CAMK2B: variants seen among roughly 807,000 people sequenced by gnomAD.
CAMK2B encodes calcium/calmodulin dependent protein kinase II beta.
In CAMK2B, 27 loss-of-function variants were observed where a neutral mutation model predicts 93.7. The observed-to-expected ratio is 0.29, with a 90% CI of 0.21 to 0.40. The LOEUF is 0.40. CAMK2B is among the 10% of genes least tolerant of loss of function. CAMK2B has a pLI of 1.00. For missense variants in CAMK2B, 568 were observed against 895.8 expected, an observed-to-expected ratio of 0.63 and a Z score of 4.67; for synonymous variants, 374 against 358.8, an observed-to-expected ratio of 1.04 and a Z score of -0.48.
Position 44,236,941 on chromosome 7 carries a change from C to G in CAMK2B, c.1022-2265G>C, listed in dbSNP as rs2096631562. 2.0e-5 allele frequency among the ~76,000 whole-genome samples: 3 copies of G among 152,354 alleles called. No homozygotes were observed. In the South Asian group the frequency reaches 6.2e-4, roughly 32 times the overall value. Reference sequence around the variant, plus strand: ...AGGACATTTGTCGTGGGGAGCTGAACAGGCAAGGAAGGGACCCAGTCCCTT... The same window carrying G: ...AGGACATTTGTCGTGGGGAGCTGAAGAGGCAAGGAAGGGACCCAGTCCCTT... On this transcript the variant is annotated intron_variant, in intron 13 of 23. Transcript: ENST00000395749.
intron 2 of CAMK2B, among the ~76,000 whole-genome samples, chr7:44,270,129 C>G (rs2096960733): frequency 6.6e-6 from 1 of 152,004 alleles, no homozygotes; most frequent in Admixed American, 6.5e-5. Context: ...TGCCAGACCC[C>G]CCATGGGCCC....
At chr7:44,287,456 T>C (rs10231886) in intron 1 of CAMK2B, among the ~76,000 whole-genome samples, 47,649 of 151,970 alleles carry the variant, frequency 0.31, 8,196 homozygotes, top group Non-Finnish European at 0.39. Context: ...TCCACCTCTG[T>C]CTCCTCCCCT....
intron 13 of CAMK2B, among the ~76,000 whole-genome samples, chr7:44,236,106 C>G (rs945836406): frequency 6.6e-6 from 1 of 152,238 alleles, no homozygotes. Context: ...TAAGCCCTCC[C>G]GGTGGTTCTG....
At chr7:44,284,058 T>C (rs1584584034) in intron 2 of CAMK2B, 73 bp downstream of exon 2, 2 of 1,150,172 alleles carry the variant, frequency 1.7e-6, no homozygotes, top group Non-Finnish European at 1.3e-6. Context: ...TGCTGCCCAG[T>C]CCACAGGGCA....
chr7:44,237,896 A>T (rs2096641051), intron 13 of CAMK2B, among the ~76,000 whole-genome samples: 1 of 152,030 alleles, frequency 6.6e-6, no homozygotes, highest in Admixed American at 6.5e-5. Flanking sequence ...AACTGCTGCC[A>T]CCCTGCAGCT....
intron 23 of CAMK2B, 199 bp from the exon 24 acceptor site, chr7:44,219,721 G>T: frequency 2.7e-6 from 1 of 373,362 alleles, no homozygotes; most frequent in East Asian, 4.9e-5. Context: ...CCACCACCTG[G>T]GGAACGCCCA....
In CAMK2B at chr7:44,324,143, C is replaced by T. The variant is rs113813927; in HGVS notation, c.65+1214G>A. ...AACACACCCCCACACTCCTCCAGCT[C>T]CGCACTCCACAATTATCAATGATCA... On this transcript the variant is annotated intron_variant, in intron 1 of 23. Transcript: ENST00000395749. Among the ~76,000 whole-genome samples the T allele has an allele frequency of 4.1e-3, 632 of 152,356 alleles. 5 individuals carry two copies. The highest frequency in any genetic ancestry group is 0.014 in the African/African-American group (599 of 41,584).
chr7:44,246,518 C>T (rs2096731898), intron 6 of CAMK2B, among the ~76,000 whole-genome samples: 1 of 152,086 alleles, frequency 6.6e-6, no homozygotes, highest in Non-Finnish European at 1.5e-5. Flanking sequence ...TGAACATGCC[C>T]ACACATGTAC....
chr7:44,298,875 G>GA (rs1372183674), intron 1 of CAMK2B, among the ~76,000 whole-genome samples: 1 of 152,004 alleles, frequency 6.6e-6, no homozygotes, highest in Non-Finnish European at 1.5e-5. Flanking sequence ...TTTTTTAATT[G>GA]AAAAAAGCCT....
At chr7:44,316,295 T>G (rs1210707544) in intron 1 of CAMK2B, among the ~76,000 whole-genome samples, 1 of 152,184 alleles carries the variant, frequency 6.6e-6, no homozygotes, top group Admixed American at 6.5e-5. Context: ...ATAGTTTCAA[T>G]GTTTGTTCTA....
At chr7:44,261,250 G>T (rs373952478) in intron 3 of CAMK2B, among the ~76,000 whole-genome samples, 58 of 152,364 alleles carry the variant, frequency 3.8e-4, no homozygotes, top group African/African-American at 1.3e-3. Context: ...AATAAGCCCA[G>T]TTGGGGGCCC....
chr7:44,248,877 C>A lies in CAMK2B; in HGVS notation c.342-1685G>T, dbSNP rs1006754427. ...CCAGGCCCAAACTCATGGGAGACAG[C>A]CCCTTGGTGGTGTCACTTCAATGTC... On this transcript the variant is annotated intron_variant, in intron 5 of 23. Coordinates refer to ENST00000395749, the MANE Select transcript of CAMK2B (RefSeq NM_001220.5). The surrounding 1 kb of genome is among the most constrained non-coding windows in gnomAD (Gnocchi z 4.1). Among the ~76,000 whole-genome samples, 6 of 152,152 alleles carry A rather than the reference C, an allele frequency of 3.9e-5. No homozygotes were observed. The highest frequency in any genetic ancestry group is 1.2e-4 in the African/African-American group (5 of 41,424).
chr7:44,223,453 C>T (rs2096436638), intron 20 of CAMK2B, among the ~76,000 whole-genome samples: 1 of 152,206 alleles, frequency 6.6e-6, no homozygotes, highest in Non-Finnish European at 1.5e-5. Flanking sequence ...GTTCCTGCTG[C>T]AGCCACCACG....
At chr7:44,285,380 C>T (rs943161992) in intron 1 of CAMK2B, among the ~76,000 whole-genome samples, 2 of 152,162 alleles carry the variant, frequency 1.3e-5, no homozygotes, top group African/African-American at 4.8e-5. Context: ...CAGGTGGGCA[C>T]CCACCCGTGC....
chr7:44,284,162 C>T lies in CAMK2B; in HGVS notation c.129G>A (p.Lys43=), dbSNP rs974594945. ...KLCTGHEYAA[K]IINTKKLSAR... Reference sequence around the variant, plus strand: ...CTGACAGCTTCTTGGTGTTGATGATCTTGGCTGCATACTCATGGCCGGTGC... The same window carrying T: ...CTGACAGCTTCTTGGTGTTGATGATTTTGGCTGCATACTCATGGCCGGTGC... The change falls in exon 2 of 24, where the codon AAG becomes AAA. Residue 43 remains lysine (K), a synonymous_variant. Transcript: ENST00000395749. The T allele has an allele frequency of 6.2e-7, 1 of 1,613,792 alleles. No homozygotes were observed. Among genetic ancestry groups the T allele is most frequent in the African/African-American group, 1.3e-5 (1 of 74,936 alleles).
In CAMK2B at chr7:44,220,649, C is replaced by T. The variant is rs762167090; in HGVS notation, c.1735G>A (p.Gly579Arg). 3.7e-6 allele frequency: 6 copies of T among 1,613,814 alleles called. 1 individual carries two copies. Among genetic ancestry groups the T allele is most frequent in the Non-Finnish European group, 5.1e-6 (6 of 1,179,964 alleles). Reference protein sequence around the residue: ...EPEALGNLVEGMDFHRFYFEN... With the variant: ...EPEALGNLVERMDFHRFYFEN... ...AAGTAGAATCTGTGGAAGTCCATCC[C>T]TTCAACCAGGTTGCCCAGTGCTTCA... The change falls in exon 22 of 24, where the codon GGG becomes AGG. Residue 579 changes from glycine to arginine, a missense_variant. Transcript: ENST00000395749.
At chr7:44,267,229 G>A in intron 2 of CAMK2B, among the ~76,000 whole-genome samples, 1 of 152,134 alleles carries the variant, frequency 6.6e-6, no homozygotes, top group Non-Finnish European at 1.5e-5. Context: ...CCCTGGCCAA[G>A]GTCTTGGGGT....
At position 44,312,406 on chromosome 7, in the gene CAMK2B, G is replaced by T. The variant is rs1288035939; in HGVS notation, c.65+12951C>A. ...CTAGGGACAAGCCACCGAGTACCTG[G>T]GAGGGCAGGAGAAGGAGGGCCACCC... On this transcript the variant is annotated intron_variant, in intron 1 of 23. Coordinates refer to ENST00000395749, the MANE Select transcript of CAMK2B (RefSeq NM_001220.5). The surrounding 1 kb of genome is among the most constrained non-coding windows in gnomAD (Gnocchi z 4.1). 2.6e-5 allele frequency among the ~76,000 whole-genome samples: 4 copies of T among 152,206 alleles called. No individual in the cohort carries two copies. The highest frequency in any genetic ancestry group is 5.9e-5 in the Non-Finnish European group (4 of 68,038).
chr7:44,308,438 C>T (rs1792534804), intron 1 of CAMK2B, among the ~76,000 whole-genome samples: 2 of 152,174 alleles, frequency 1.3e-5, no homozygotes, highest in South Asian at 4.1e-4. Flanking sequence ...TCCCCATCCC[C>T]CTGCCCCCGG....
Sources: gnomAD v4.1 joint callset for allele counts (sites outside exome capture counted in the v4.1 genomes callset) on GRCh38, gnomAD v4.1.1 for gene constraint, Gnocchi (gnomAD v3.1) non-coding constraint, MANE v1.5 for transcripts, NCBI Gene and HGNC (gene_info 2026-07-23, HGNC 2026-07-21) for gene names.